FER1L6: variants seen among roughly 807,000 people sequenced by gnomAD.
FER1L6 encodes the protein fer-1-like protein 6.
FER1L6 carries 177 observed loss-of-function variants against 219.2 expected under a neutral mutation model. The ratio of observed to expected loss-of-function variants is 0.81; its 90% CI spans 0.71 to 0.91. The LOEUF is 0.91. Among genes scored for constraint, FER1L6 ranks in the 40% least tolerant of loss-of-function variants. The pLI is 0.00. For missense variants in FER1L6, 2,153 were observed against 2,259.9 expected (o/e 0.95, Z 0.96); for synonymous variants, 768 against 824.3 (o/e 0.93, Z 1.17).
intron 12 of FER1L6, among the ~76,000 whole-genome samples, chr8:123,998,993 T>C (rs1817278411): frequency 6.6e-6 from 1 of 152,178 alleles, no homozygotes; most frequent in Non-Finnish European, 1.5e-5. Context: ...CCAGAAATGC[T>C]GTCTAGGAGA....
intron 1 of FER1L6, among the ~76,000 whole-genome samples, chr8:123,863,983 T>C (rs1451332558): frequency 6.7e-6 from 1 of 149,214 alleles, no homozygotes; most frequent in African/African-American, 2.5e-5. Context: ...CATTTACATT[T>C]AAAGTTAATA....
chr8:123,944,522 A>C (rs1456537679), intron 1 of FER1L6, among the ~76,000 whole-genome samples: 1 of 151,764 alleles, frequency 6.6e-6, no homozygotes, highest in Non-Finnish European at 1.5e-5. Context: ...AAGAATAGTA[A>C]CTATTTTCTT....
chr8:123,921,844 C>A (rs751399832), intron 1 of FER1L6, among the ~76,000 whole-genome samples: 1 of 151,990 alleles, frequency 6.6e-6, no homozygotes, highest in African/African-American at 2.4e-5. Context: ...GTAGAGGCCG[C>A]CCTCGGGCTG....
chr8:124,022,909 T>C (rs548839483), intron 17 of FER1L6, among the ~76,000 whole-genome samples: 4 of 92,322 alleles, frequency 4.3e-5, no homozygotes, highest in Admixed American at 2.6e-4. Flanking sequence ...TGTAGGCACT[T>C]TATTTATTTA....
chr8:123,973,500 T>C lies in FER1L6; in HGVS notation c.514T>C (p.Tyr172His), dbSNP rs755861072. The change falls in exon 7 of 41, where the codon TAC (tyrosine) becomes CAC (histidine). Residue 172 changes from tyrosine to histidine, a missense_variant. Tyr to His is a moderately conservative substitution (Grantham distance 83). Transcript: ENST00000522917. ...TTTCAAAGTAGACCTGGGGACCGTG[T>C]ACAACCAACCTGGTAAGAAAACATC... ...GSFKVDLGTV[Y>H]NQPGHQFCNK... is the part of the protein sequence containing the mutation. The C allele has an allele frequency of 3.1e-6, 5 of 1,613,244 alleles. No homozygotes were observed. Among genetic ancestry groups the C allele is most frequent in the Non-Finnish European group, 4.2e-6 (5 of 1,179,318 alleles).
intron 1 of FER1L6, among the ~76,000 whole-genome samples, chr8:123,898,237 A>G (rs1273256931): frequency 1.3e-5 from 2 of 152,190 alleles, no homozygotes; most frequent in Admixed American, 6.5e-5. Flanking sequence ...AATAAGTATA[A>G]TTAATGACTA....
chr8:123,955,491 G>T (rs1490247056), intron 1 of FER1L6, among the ~76,000 whole-genome samples: 1 of 152,184 alleles, frequency 6.6e-6, no homozygotes, highest in Non-Finnish European at 1.5e-5. Flanking sequence ...GACAGGCTCT[G>T]GCTGCCCAGT....
intron 10 of FER1L6, among the ~76,000 whole-genome samples, chr8:123,979,549 G>C (rs1352850228): frequency 6.6e-6 from 1 of 152,176 alleles, no homozygotes; most frequent in African/African-American, 2.4e-5. Context: ...TTGCCATAGC[G>C]ATGTTCCCAT....
rs184267585 is a variant in FER1L6 at position 124,050,611 on chromosome 8, T to C, written c.2874+855T>C. 7.6e-4 allele frequency among the ~76,000 whole-genome samples: 115 copies of C among 152,278 alleles called. 1 individual carries two copies. Among genetic ancestry groups the C allele is most frequent in the Admixed American group, 2.7e-3 (42 of 15,300 alleles). On this transcript the variant is annotated intron_variant, in intron 22 of 40. Transcript: ENST00000522917. ...TCTATCTTAGGCGCTTAGGCTGCTA[T>C]TATATAATAGAATTCTATAGACTGG...
intron 1 of FER1L6, among the ~76,000 whole-genome samples, chr8:123,919,280 T>G (rs1324509251): frequency 6.6e-6 from 1 of 152,252 alleles, no homozygotes; most frequent in Non-Finnish European, 1.5e-5. Flanking sequence ...CAGCTACCTC[T>G]TCTCATGCCT....
rs192575877 is a variant in FER1L6, at chr8:123,990,962, T to C, written c.1519+4786T>C. Reference sequence around the variant, plus strand: ...AGTTTTCCTAGCACCATTTATTAAATAGGGTGTTCTTTCTCCAAATTAATG... The same window carrying C: ...AGTTTTCCTAGCACCATTTATTAAACAGGGTGTTCTTTCTCCAAATTAATG... On this transcript the variant is annotated intron_variant, in intron 12 of 40. Transcript: ENST00000522917. 2.6e-5 allele frequency among the ~76,000 whole-genome samples: 4 copies of C among 152,338 alleles called. 1 individual carries two copies. In the East Asian group the frequency reaches 7.7e-4, roughly 29 times the overall value.
intron 1 of FER1L6, among the ~76,000 whole-genome samples, chr8:123,927,858 C>T (rs760055838): frequency 1.3e-5 from 2 of 152,190 alleles, no homozygotes; most frequent in Non-Finnish European, 2.9e-5. Context: ...TTTACTGAAT[C>T]CCTTCTTGCA....
At position 124,103,219 on chromosome 8, in the gene FER1L6, T is replaced by C. The variant is rs770822994; in HGVS notation, c.5199T>C (p.Phe1733=). Residue 1733 remains phenylalanine (F), a synonymous_variant, in exon 39 of 41, where the codon TTT becomes TTC. Transcript: ENST00000522917. ...CCAAAGCCTGTGATCTTGCCAAGTT[T>C]GAAAATGCAAGTGAGGAGACCAAGA... ...KSAKACDLAK[F]ENASEETKIS... 2 of 1,613,988 alleles carry C rather than the reference T, an allele frequency of 1.2e-6. No individual in the cohort carries two copies.
chr8:123,999,003 AG>A (rs1231426058), intron 12 of FER1L6, among the ~76,000 whole-genome samples: 6 of 152,094 alleles, frequency 3.9e-5, no homozygotes, highest in Non-Finnish European at 8.8e-5. Flanking sequence ...TGTCTAGGAG[AG>A]TGAAGGCCTG....
chr8:124,069,412 G>A lies in FER1L6; in HGVS notation c.3771G>A (p.Lys1257=). 1.2e-6 allele frequency: 2 copies of A among 1,612,276 alleles called. No homozygotes were observed. The highest frequency in any genetic ancestry group is 1.3e-5 in the African/African-American group (1 of 74,908). The change falls in exon 29 of 41, where the codon AAG becomes AAA. Residue 1257 remains lysine (K), a synonymous_variant. Transcript: ENST00000522917. The part of the protein sequence containing the change: ...VVDIEDGPKK[K]KDKMLKKKPK... ...ATATAGAAGATGGGCCAAAGAAGAA[G>A]AAAGACAAAATGCTCAAGAAGAAAC...
rs187667004 is a variant in FER1L6, at chr8:123,945,274, G to A, written c.-7-10718G>A. Among the ~76,000 whole-genome samples, 203 of 152,290 alleles carry A rather than the reference G, an allele frequency of 1.3e-3. 1 individual carries two copies. The highest frequency in any genetic ancestry group is 4.7e-3 in the African/African-American group (197 of 41,554). ...GAGGATAGTGACTCCTGGAGAAGTT[G>A]ACAGGACTGAACTCCTCCTCCTGTT... On this transcript the variant is annotated intron_variant, in intron 1 of 40. Transcript: ENST00000522917.
intron 21 of FER1L6, among the ~76,000 whole-genome samples, chr8:124,049,106 G>A (rs748026976): frequency 2.0e-5 from 3 of 151,596 alleles, no homozygotes; most frequent in Non-Finnish European, 4.4e-5. Context: ...GGAGTGCAGT[G>A]GTGCGATCTC....
At chr8:123,989,350 ATT>A (rs1036586103) in intron 12 of FER1L6, among the ~76,000 whole-genome samples, 7 of 152,172 alleles carry the variant, frequency 4.6e-5, no homozygotes, top group African/African-American at 1.7e-4. Flanking sequence ...GTTTGGAAGT[ATT>A]CCCTCCTCTT....
At chr8:123,856,256 ATG>A (rs1816640721) in intron 1 of FER1L6, among the ~76,000 whole-genome samples, 3 of 131,248 alleles carry the variant, frequency 2.3e-5, no homozygotes, top group Non-Finnish European at 4.9e-5. Flanking sequence ...TATGAGATAT[ATG>A]TATATATGTG....
Sources: allele counts gnomAD v4.1 joint callset (sites outside exome capture counted in the v4.1 genomes callset), GRCh38; gene constraint gnomAD v4.1.1; transcripts MANE v1.5; gene names NCBI Gene and HGNC (gene_info 2026-07-23, HGNC 2026-07-21).